The following MRO variants were observed in gnomAD, a reference collection of about 807,000 sequenced individuals.
MRO encodes protein maestro.
A neutral mutation model predicts 31.0 loss-of-function variants in MRO; 28 were observed. That is an observed-to-expected ratio of 0.90 (90% CI 0.67 to 1.24). MRO has a LOEUF of 1.24. MRO is among the 50% of genes most tolerant of loss of function. The pLI is 0.00. For missense variants in MRO, 332 were observed against 289.2 expected, an observed-to-expected ratio of 1.15 and a Z score of -1.07; for synonymous variants, 108 against 108.4, an observed-to-expected ratio of 1.00 and a Z score of 0.02.
rs1257999598 is a variant in MRO at position 50,799,045 on chromosome 18, A to G, written c.*292T>C. ...GAACTTAAGAAAGAAAAAGCTGAGA[A>G]ATAAGCACTGAATCTATATACACTT... is the stretch of plus-strand genomic sequence containing the variant. On this transcript the variant is annotated 3_prime_UTR_variant, in exon 8 of 8. Transcript: ENST00000398439. 4.1e-6 allele frequency: 1 copy of G among 246,094 alleles called. No homozygotes were observed. Among genetic ancestry groups the G allele is most frequent in the Non-Finnish European group, 7.7e-6 (1 of 129,064 alleles). The allele number at this position is 246,094 out of a possible 1,614,324, so 15.2% of individuals were successfully genotyped here. A position where few individuals can be genotyped will look rare whatever the true frequency, so the allele number is the denominator to read the frequency against.
intron 3 of MRO, among the ~76,000 whole-genome samples, chr18:50,808,658 C>T (rs1376135512): frequency 1.3e-5 from 2 of 151,122 alleles, no homozygotes; most frequent in African/African-American, 2.4e-5. Context: ...GGTTTTGCCA[C>T]GTTGCCGGCT....
intron 7 of MRO, among the ~76,000 whole-genome samples, chr18:50,799,661 A>G (rs1403047314): frequency 6.6e-6 from 1 of 152,162 alleles, no homozygotes; most frequent in Non-Finnish European, 1.5e-5. Context: ...CTGTAATCCC[A>G]GTACTTTGGG....
chr18:50,810,930 G>A (rs1914423195), intron 2 of MRO, among the ~76,000 whole-genome samples: 1 of 152,284 alleles, frequency 6.6e-6, no homozygotes, highest in South Asian at 2.1e-4. Flanking sequence ...CATGTGAGGG[G>A]CATAAAGTTA....
At chr18:50,807,382 C>T (rs761680066) in intron 3 of MRO, among the ~76,000 whole-genome samples, 3 of 152,204 alleles carry the variant, frequency 2.0e-5, no homozygotes, top group Admixed American at 1.3e-4. Context: ...CACCCCTACC[C>T]TGCCAAATGA....
At chr18:50,825,215 G>A (rs1374136519) in intron 1 of MRO, 1 of 151,980 alleles carries the variant, frequency 6.6e-6, no homozygotes. Context: ...TTTTTCAGTT[G>A]AACTGGTTAA....
intron 1 of MRO, among the ~76,000 whole-genome samples, chr18:50,825,091 A>T (rs180812055): frequency 1.5e-3 from 215 of 145,974 alleles, no homozygotes; most frequent in Non-Finnish European, 1.8e-3. Flanking sequence ...AAAAAAAATT[A>T]AAAAAAAAAA....
chr18:50,800,884 C>CAAAAAAAAAAAA, intron 6 of MRO, among the ~76,000 whole-genome samples: 1 of 105,422 alleles, frequency 9.5e-6, no homozygotes, highest in Non-Finnish European at 1.9e-5. Context: ...AAAACTGTCT[C>CAAAAAAAAAAAA]AAAAAAAAAA....
rs117829532 is a variant in MRO, at chr18:50,803,012, G to A, written c.430-1508C>T. ...CTAATGCTTTAAGATGTACAGACAC[G>A]TAAGACAGATGCTCGCCCCGCTAGG... is the stretch of plus-strand genomic sequence containing the variant. On this transcript the variant is annotated intron_variant, in intron 5 of 7. Transcript: ENST00000398439. 4.0e-3 allele frequency among the ~76,000 whole-genome samples: 612 copies of A among 151,954 alleles called. 12 individuals are homozygous for A. In the East Asian group the frequency reaches 0.056, roughly 14 times the overall value.
At chr18:50,809,230 G>A in intron 3 of MRO, 72 bp downstream of exon 3, 2 of 1,116,398 alleles carry the variant, frequency 1.8e-6, no homozygotes, top group Non-Finnish European at 2.6e-6. Context: ...ACTAACCACA[G>A]ACCAAGCAAA....
At position 50,795,623 on chromosome 18, in the gene MRO, C is replaced by T. The variant is rs1025711086; in HGVS notation, c.*3714G>A. Reference sequence around the variant, plus strand: ...TGTCATTTTCTCTCCTCTCTCTCCACCACTTCCCTCTCCCCTTTAAGAAAG... The same window carrying T: ...TGTCATTTTCTCTCCTCTCTCTCCATCACTTCCCTCTCCCCTTTAAGAAAG... On this transcript the variant is annotated 3_prime_UTR_variant, in exon 8 of 8. Coordinates refer to ENST00000398439, the MANE Select transcript of MRO (RefSeq NM_031939.6). 2 of 152,358 alleles carry T rather than the reference C, an allele frequency of 1.3e-5. No individual in the cohort carries two copies. Among genetic ancestry groups the T allele is most frequent in the African/African-American group, 4.8e-5 (2 of 41,442 alleles). The allele number at this position is 152,358 out of a possible 1,614,324, so 9.4% of individuals were successfully genotyped here. A position where few individuals can be genotyped will look rare whatever the true frequency, so the allele number is the denominator to read the frequency against.
Position 50,799,271 on chromosome 18 carries a change from T to TA in MRO, c.*65dup. The TA allele has an allele frequency of 7.2e-7, 1 of 1,396,470 alleles. No individual in the cohort carries two copies. Among genetic ancestry groups the TA allele is most frequent in the Non-Finnish European group, 1.0e-6 (1 of 982,192 alleles). 86.5% of individuals were successfully genotyped at this position (1,396,470 alleles called of 1,614,324 possible). On this transcript the variant is annotated 3_prime_UTR_variant, in exon 8 of 8. Coordinates refer to ENST00000398439, the MANE Select transcript of MRO (RefSeq NM_031939.6). ...CAGTGAGAAGAGGCATCCAGTGAGA[T>TA]AAAACAGGGGAACATGATGGCTCAG...
Position 50,806,816 on chromosome 18 carries a change from G to T in MRO, c.134C>A (p.Pro45His), listed in dbSNP as rs749055708. 6.2e-7 allele frequency: 1 copy of T among 1,614,094 alleles called. No individual in the cohort carries two copies. The highest frequency in any genetic ancestry group is 1.1e-5 in the South Asian group (1 of 91,082). ...SWKLRFQKREPLKNVFFILAE... is the reference protein window; with the variant it reads ...SWKLRFQKREHLKNVFFILAE... ...CAAGATGAAAAACACATTCTTCAGA[G>T]GCTCCCGCTTCTGGAACCTCAGTTT... The change falls in exon 4 of 8, where the codon CCT (proline) becomes CAT (histidine). Residue 45 changes from proline (P) to histidine (H), a missense_variant. Coordinates refer to ENST00000398439, the MANE Select transcript of MRO (RefSeq NM_031939.6).
intron 3 of MRO, among the ~76,000 whole-genome samples, chr18:50,808,390 T>C (rs1914136408): frequency 6.6e-6 from 1 of 152,030 alleles, no homozygotes; most frequent in Non-Finnish European, 1.5e-5. Flanking sequence ...TGGATGAGAT[T>C]TGGTGATTTC....
chr18:50,824,930 C>G (rs992990496), upstream of MRO, among the ~76,000 whole-genome samples: 1 of 151,262 alleles, frequency 6.6e-6, no homozygotes, highest in Non-Finnish European at 1.5e-5. Flanking sequence ...CAAAAATTAG[C>G]CAGGTGTGGT....
At chr18:50,809,477 T>C in intron 2 of MRO, 73 bp from the exon 3 acceptor site, 1 of 1,053,946 alleles carries the variant, frequency 9.5e-7, no homozygotes. Flanking sequence ...GTACAATGCA[T>C]TGTGCTGGGG....
chr18:50,805,238 G>A lies in MRO; in HGVS notation c.345C>T (p.Thr115=), dbSNP rs780292119. Residue 115 remains threonine, a synonymous_variant, in exon 5 of 8, where the codon ACC becomes ACT. Coordinates refer to ENST00000398439, the MANE Select transcript of MRO (RefSeq NM_031939.6). The stretch of plus-strand genomic sequence containing the variant: ...TCCCCTGGATCTTGCCCAGAACGAC[G>A]GTCAGAGTCTTCATACTCTCATGGA... ...EVIHESMKTL[T]VVLGKIQGKG... The A allele has an allele frequency of 1.7e-5, 27 of 1,613,730 alleles. No homozygotes were observed. Among genetic ancestry groups the A allele is most frequent in the South Asian group, 1.3e-4 (12 of 91,068 alleles).
Position 50,806,706 on chromosome 18 carries a change from T to A in MRO, c.244A>T (p.Lys82Ter). Residue 82 changes from lysine to a stop codon, truncating the protein, a stop_gained and splice_region_variant, in exon 4 of 8, where the codon AAG (lysine) becomes TAG (stop). Coordinates refer to ENST00000398439, the MANE Select transcript of MRO (RefSeq NM_031939.6). LOFTEE classifies it high-confidence loss of function. ...LGTMAYEAPD[K>*]VRKYKKIVLD... ...TGAGCCCCACTCTCCTTCCCTACCT[T>A]GTCAGGGGCTTCATAGGCCATGGTT... 1 of 1,614,122 alleles carries A rather than the reference T, an allele frequency of 6.2e-7. No homozygotes were observed. Among genetic ancestry groups the A allele is most frequent in the Admixed American group, 1.7e-5 (1 of 60,022 alleles).
chr18:50,807,964 T>C (rs899685527), intron 3 of MRO, among the ~76,000 whole-genome samples: 6 of 152,220 alleles, frequency 3.9e-5, no homozygotes, highest in Non-Finnish European at 8.8e-5. Flanking sequence ...CGAATGCCTG[T>C]GATCCCAGCT....
chr18:50,808,200 ATGCAGGAAGACCCTGGTG>A (rs1555669079), intron 3 of MRO, among the ~76,000 whole-genome samples: 1 of 152,214 alleles, frequency 6.6e-6, no homozygotes, highest in Non-Finnish European at 1.5e-5. Flanking sequence ...ATGAGCTCTC[ATGCAGGAAGACCCTGGTG>A]TGCAGCAGGA....
Sources: allele counts gnomAD v4.1 joint callset (sites outside exome capture counted in the v4.1 genomes callset), GRCh38; gene constraint gnomAD v4.1.1; transcripts MANE v1.5; gene names NCBI Gene and HGNC (gene_info 2026-07-23, HGNC 2026-07-21).